SNX24: variants seen among roughly 807,000 people sequenced by gnomAD.
The protein encoded by SNX24 is sorting nexin-24.
Under a neutral mutation model 28.7 loss-of-function variants are expected in SNX24, and 22 were observed. The observed-to-expected ratio is 0.77, with a 90% CI of 0.55 to 1.10. SNX24 has a LOEUF of 1.10. SNX24 is among the 50% of genes least tolerant of loss of function. The probability of loss-of-function intolerance (pLI) is 0.00; values close to 1 mark genes in which losing one functional copy is unlikely to be tolerated. For synonymous variants in SNX24, 69 were observed against 71.5 expected, an observed-to-expected ratio of 0.96 and a Z score of 0.18; for missense variants, 221 against 201.1, an observed-to-expected ratio of 1.10 and a Z score of -0.60.
chr5:122,930,328 C>T (rs1250574559), intron 1 of SNX24, among the ~76,000 whole-genome samples: 1 of 152,186 alleles, frequency 6.6e-6, no homozygotes, highest in Non-Finnish European at 1.5e-5. Context: ...TGAGTTTTCC[C>T]GCAAACTGAG....
intron 1 of SNX24, among the ~76,000 whole-genome samples, chr5:122,867,706 C>T (rs892309048): frequency 1.3e-5 from 2 of 152,124 alleles, no homozygotes; most frequent in Non-Finnish European, 2.9e-5. Context: ...TATTCAAATC[C>T]TCATGATTAT....
At position 122,911,251 on chromosome 5, in the gene SNX24, G is replaced by A. The variant is rs887980507; in HGVS notation, c.61-25483G>A. ...TGAGCATTTTTTCATGTGTCTTTTGGCTGCATAAATGTCTTCTTTTGAGAT... is the reference window on the plus strand; with the variant it reads ...TGAGCATTTTTTCATGTGTCTTTTGACTGCATAAATGTCTTCTTTTGAGAT... On this transcript the variant is annotated intron_variant, in intron 1 of 6. Transcript: ENST00000261369. 1.5e-3 allele frequency among the ~76,000 whole-genome samples: 233 copies of A among 152,258 alleles called. 2 individuals carry two copies. The highest frequency in any genetic ancestry group is 5.5e-3 in the African/African-American group (230 of 41,536).
chr5:122,975,812 T>C (rs1352198543), intron 3 of SNX24, among the ~76,000 whole-genome samples: 1 of 152,176 alleles, frequency 6.6e-6, no homozygotes, highest in Admixed American at 6.5e-5. Context: ...TCTGCAAAGA[T>C]TAAAACAAAA....
intron 3 of SNX24, among the ~76,000 whole-genome samples, chr5:122,997,156 A>G (rs1252271944): frequency 6.6e-6 from 1 of 152,168 alleles, no homozygotes; most frequent in African/African-American, 2.4e-5. Flanking sequence ...ATTCTTCTGT[A>G]TTTTACTTTG....
At chr5:122,964,755 C>T (rs991554543) in intron 3 of SNX24, among the ~76,000 whole-genome samples, 1 of 152,044 alleles carries the variant, frequency 6.6e-6, no homozygotes, top group Non-Finnish European at 1.5e-5. Flanking sequence ...TCAGTTATTC[C>T]CTCCATATTA....
intron 6 of SNX24, among the ~76,000 whole-genome samples, chr5:123,007,075 A>G (rs1287083484): frequency 6.6e-6 from 1 of 152,204 alleles, no homozygotes; most frequent in Non-Finnish European, 1.5e-5. Context: ...GTGCTGTAAC[A>G]TACTTTGCAC....
intron 1 of SNX24, among the ~76,000 whole-genome samples, chr5:122,854,515 C>CAAAAAAAAAAACAAAAAAAAAAAAAAAA (rs1755084761): frequency 8.2e-6 from 1 of 121,414 alleles, no homozygotes; most frequent in Non-Finnish European, 1.7e-5. Flanking sequence ...CTCAAAAAAA[C>CAAAAAAAAAAACAAAAAAAAAAAAAAAA]AAAAAAAAAA....
At chr5:122,945,736 G>A (rs756630016) in intron 2 of SNX24, among the ~76,000 whole-genome samples, 26 of 152,046 alleles carry the variant, frequency 1.7e-4, no homozygotes, top group Non-Finnish European at 2.8e-4. Context: ...ATTGATTTTT[G>A]TAACTAAATT....
chr5:122,905,175 G>T (rs1180330710), intron 1 of SNX24, among the ~76,000 whole-genome samples: 2 of 152,220 alleles, frequency 1.3e-5, no homozygotes, highest in African/African-American at 4.8e-5. Flanking sequence ...TGGGTGGGGT[G>T]TTGAGGGTAG....
chr5:122,859,939 C>T (rs1243063182), intron 1 of SNX24, among the ~76,000 whole-genome samples: 1 of 152,148 alleles, frequency 6.6e-6, no homozygotes, highest in African/African-American at 2.4e-5. Flanking sequence ...AGGGAATGTT[C>T]AGGTTAAGAT....
chr5:123,001,357 C>CT, intron 4 of SNX24, 48 bp from the exon 5 acceptor site: 3 of 1,282,872 alleles, frequency 2.3e-6, no homozygotes, highest in Non-Finnish European at 3.4e-6. Context: ...TAAACATTGA[C>CT]TCAACATATG....
At chr5:122,990,092 T>G (rs1355378820) in intron 3 of SNX24, among the ~76,000 whole-genome samples, 1 of 152,188 alleles carries the variant, frequency 6.6e-6, no homozygotes, top group Admixed American at 6.5e-5. Context: ...GTTTTTTATT[T>G]TATAGCCTAT....
intron 4 of SNX24, 118 bp from the exon 5 acceptor site, chr5:123,001,287 T>A (rs1200847135): frequency 1.3e-5 from 9 of 716,522 alleles, no homozygotes; most frequent in African/African-American, 1.8e-5. Flanking sequence ...ACAGCTCTTT[T>A]AAAAAATAAC....
At chr5:122,891,066 G>A (rs768585188) in intron 1 of SNX24, 1 of 1,529,630 alleles carries the variant, frequency 6.5e-7, no homozygotes, top group South Asian at 1.3e-5. Flanking sequence ...GACAAAAATG[G>A]AATCATATGA....
intron 1 of SNX24, among the ~76,000 whole-genome samples, chr5:122,847,490 A>G (rs897394044): frequency 2.6e-5 from 2 of 77,466 alleles, no homozygotes; most frequent in Non-Finnish European, 4.5e-5. Flanking sequence ...AACTGTTAAA[A>G]TCTCTCTCTC....
intron 3 of SNX24, among the ~76,000 whole-genome samples, chr5:122,957,323 C>T (rs2150135194): frequency 6.6e-6 from 1 of 152,222 alleles, no homozygotes; most frequent in African/African-American, 2.4e-5. Context: ...AACCGTTGGA[C>T]CATATATATG....
chr5:122,869,356 CAG>C (rs1197653326), intron 1 of SNX24, among the ~76,000 whole-genome samples: 1 of 152,164 alleles, frequency 6.6e-6, no homozygotes, highest in Non-Finnish European at 1.5e-5. Context: ...TTGTCAATAA[CAG>C]AATAACAAAT....
intron 1 of SNX24, among the ~76,000 whole-genome samples, chr5:122,847,836 G>A (rs186611815): frequency 5.9e-5 from 9 of 152,130 alleles, no homozygotes; most frequent in African/African-American, 2.2e-4. Context: ...CTGTGAGTTT[G>A]TGAAGCAGTT....
intron 3 of SNX24, among the ~76,000 whole-genome samples, chr5:122,969,894 C>G (rs577069692): frequency 6.6e-6 from 1 of 152,158 alleles, no homozygotes; most frequent in East Asian, 1.9e-4. Flanking sequence ...TCTGCACCAC[C>G]CACCCACCTA....
Sources: allele counts gnomAD v4.1 joint callset (sites outside exome capture counted in the v4.1 genomes callset), GRCh38; gene constraint gnomAD v4.1.1; transcripts MANE v1.5; gene names NCBI Gene and HGNC (gene_info 2026-07-23, HGNC 2026-07-21).